Variants in ABCD3 observed in about 807,000 individuals in gnomAD.
ABCD3 encodes the protein ATP binding cassette subfamily D member 3.
In ABCD3, 41 loss-of-function variants were observed where a neutral mutation model predicts 105.5. The ratio of observed to expected loss-of-function variants is 0.39; its 90% CI spans 0.30 to 0.50. The LOEUF (loss-of-function observed/expected upper bound fraction) is 0.50. Ranked by LOEUF, ABCD3 falls within the 20% of genes least tolerant of loss-of-function variation. ABCD3 has a pLI of 0.84. For missense variants in ABCD3, 622 were observed against 806.3 expected, an observed-to-expected ratio of 0.77 and a Z score of 2.77; for synonymous variants, 258 against 269.0, an observed-to-expected ratio of 0.96 and a Z score of 0.40.
chr1:94,482,809 G>A (rs191191365), intron 9 of ABCD3: 95 of 231,206 alleles, frequency 4.1e-4, no homozygotes, highest in African/African-American at 1.9e-3. Context: ...GTTTGGGCCT[G>A]TACTTTAACT....
At chr1:94,439,330 AT>A (rs917944798) in intron 1 of ABCD3, among the ~76,000 whole-genome samples, 1 of 150,660 alleles carries the variant, frequency 6.6e-6, no homozygotes, top group African/African-American at 2.4e-5. Context: ...TATCCAAAGG[AT>A]TTTTTTTTCA....
chr1:94,387,698 A>G, the ABCD3 span, among the ~76,000 whole-genome samples: 4 of 152,338 alleles, frequency 2.6e-5, no homozygotes, highest in South Asian at 4.1e-4. Context: ...TTTATTCTGC[A>G]TGGGTGAAAG....
At chr1:94,413,293 T>A in the ABCD3 span, among the ~76,000 whole-genome samples, 4 of 152,218 alleles carry the variant, frequency 2.6e-5, no homozygotes, top group Non-Finnish European at 5.9e-5. Flanking sequence ...TATTCAATTT[T>A]TTTTTCAGAT....
intron 20 of ABCD3, among the ~76,000 whole-genome samples, chr1:94,502,763 G>A (rs955446480): frequency 1.3e-5 from 2 of 152,058 alleles, no homozygotes; most frequent in Non-Finnish European, 2.9e-5. Context: ...ACCTCCCAAT[G>A]TGCTGGGATT....
At chr1:94,458,292 A>G (rs910856716) in intron 1 of ABCD3, among the ~76,000 whole-genome samples, 4 of 152,210 alleles carry the variant, frequency 2.6e-5, no homozygotes, top group African/African-American at 9.7e-5. Context: ...TACATGGCCA[A>G]GCTATGATTC....
At chr1:94,412,355 T>C in the ABCD3 span, among the ~76,000 whole-genome samples, 1 of 152,178 alleles carries the variant, frequency 6.6e-6, no homozygotes, top group Non-Finnish European at 1.5e-5. Context: ...AATAAGTATA[T>C]ATTACTTTCC....
chr1:94,437,130 C>G (rs367683607), intron 1 of ABCD3, among the ~76,000 whole-genome samples: 7 of 152,182 alleles, frequency 4.6e-5, no homozygotes, highest in Admixed American at 2.0e-4. Context: ...ACAGCAAGTA[C>G]TGATGTGGAA....
chr1:94,451,717 A>C (rs888239811), intron 1 of ABCD3, among the ~76,000 whole-genome samples: 1 of 152,208 alleles, frequency 6.6e-6, no homozygotes, highest in African/African-American at 2.4e-5. Flanking sequence ...AGTGAATCCA[A>C]TTACTGTTTC....
rs745386563 is a variant in ABCD3 at position 94,483,245 on chromosome 1, A to T, written c.897+6A>T. On this transcript the variant is annotated splice_donor_region_variant and intron_variant, in intron 10 of 22. Coordinates refer to ENST00000370214, the MANE Select transcript of ABCD3 (RefSeq NM_002858.4). ...ACTCAGTCTTCCGAAAACTGGTAAG[A>T]TAACACACTTGAGGTTCATGTGTTT... is the stretch of plus-strand genomic sequence containing the variant. 6.2e-7 allele frequency: 1 copy of T among 1,610,808 alleles called. No homozygotes were observed. Among genetic ancestry groups the T allele is most frequent in the South Asian group, 1.1e-5 (1 of 90,994 alleles).
At chr1:94,427,306 C>T (rs1004320749) in intron 1 of ABCD3, among the ~76,000 whole-genome samples, 6 of 152,130 alleles carry the variant, frequency 3.9e-5, no homozygotes, top group Admixed American at 3.9e-4. Flanking sequence ...AGGGCAGAAA[C>T]CCTGATTTTG....
rs749004406 is a variant in ABCD3, at chr1:94,473,781, T to C, written c.351T>C (p.Arg117=). 9 of 1,612,836 alleles carry C rather than the reference T, an allele frequency of 5.6e-6. No homozygotes were observed. Among genetic ancestry groups the C allele is most frequent in the Non-Finnish European group, 7.6e-6 (9 of 1,179,362 alleles). Residue 117 remains arginine, a synonymous_variant, in exon 5 of 23, where the codon CGT becomes CGC. Transcript: ENST00000370214. ...GTLIESGIIG[R]SRKDFKRYLL... ...TGGTTTGCAGTGGTATCATTGGTCG[T>C]AGCAGGAAAGATTTCAAGAGATACT...
At chr1:94,408,354 G>T in the ABCD3 span, among the ~76,000 whole-genome samples, 4 of 152,010 alleles carry the variant, frequency 2.6e-5, no homozygotes, top group Non-Finnish European at 5.9e-5. Context: ...AGGCCAAGGT[G>T]GGGGGATCAC....
the ABCD3 span, among the ~76,000 whole-genome samples, chr1:94,400,466 C>T: frequency 5.3e-4 from 80 of 151,404 alleles, 1 homozygote; most frequent in African/African-American, 1.7e-3. Context: ...TGAAATTAAA[C>T]TTTGAGGAAC....
intron 1 of ABCD3, among the ~76,000 whole-genome samples, chr1:94,443,259 T>C (rs1356038430): frequency 6.6e-6 from 1 of 152,212 alleles, no homozygotes; most frequent in Non-Finnish European, 1.5e-5. Context: ...CCTTTGTATG[T>C]CTTCTTTTGA....
chr1:94,463,497 G>A (rs748732197), intron 2 of ABCD3, among the ~76,000 whole-genome samples: 6 of 152,128 alleles, frequency 3.9e-5, no homozygotes, highest in African/African-American at 1.2e-4. Context: ...AACTAATAGC[G>A]TTACTCTACT....
intron 1 of ABCD3, among the ~76,000 whole-genome samples, chr1:94,438,301 TACACACACACACACACACACAC>T (rs58959540): frequency 2.3e-5 from 3 of 128,200 alleles, no homozygotes; most frequent in African/African-American, 8.5e-5. Context: ...CACACACACA[TACACACACACACACACACACAC>T]ACACACACAC....
intron 7 of ABCD3, among the ~76,000 whole-genome samples, chr1:94,477,227 C>CAAAAAAAA (rs561060182): frequency 1.8e-4 from 8 of 44,296 alleles, no homozygotes; most frequent in African/African-American, 2.7e-4. Flanking sequence ...ACTTATAAGG[C>CAAAAAAAA]AAAAAAAAAA....
chr1:94,389,460 G>A, the ABCD3 span, among the ~76,000 whole-genome samples: 2 of 152,220 alleles, frequency 1.3e-5, no homozygotes, highest in African/African-American at 2.4e-5. Flanking sequence ...TAGCATGAGC[G>A]ATCTGTGCCT....
intron 21 of ABCD3, among the ~76,000 whole-genome samples, chr1:94,508,313 G>A (rs549156670): frequency 2.1e-3 from 320 of 152,156 alleles, no homozygotes; most frequent in East Asian, 0.015. Flanking sequence ...GATATGCGGC[G>A]TTATTTCTGA....
Sources: gnomAD v4.1 joint callset for allele counts (sites outside exome capture counted in the v4.1 genomes callset) on GRCh38, gnomAD v4.1.1 for gene constraint, MANE v1.5 for transcripts, NCBI Gene and HGNC (gene_info 2026-07-23, HGNC 2026-07-21) for gene names.